Variants in MPO observed in about 807,000 individuals in gnomAD.
MPO encodes myeloperoxidase.
In MPO, 57 loss-of-function variants were observed where a neutral mutation model predicts 69.4. The observed-to-expected ratio is 0.82, with a 90% CI of 0.66 to 1.02. MPO has a LOEUF of 1.02. MPO is among the 50% of genes least tolerant of loss of function. MPO has a pLI of 0.00. For missense variants in MPO, 971 were observed against 1,014.1 expected, an observed-to-expected ratio of 0.96 and a Z score of 0.58; for synonymous variants, 426 against 417.1, an observed-to-expected ratio of 1.02 and a Z score of -0.26.
At chr17:58,273,763 T>C (rs910394039) in intron 8 of MPO, 94 bp from the exon 9 acceptor site, 25 of 1,587,624 alleles carry the variant, frequency 1.6e-5, no homozygotes, top group Non-Finnish European at 2.1e-5. Flanking sequence ...CTGCCTGCTC[T>C]TGGCTTCGGG....
chr17:58,274,216 C>T (rs766283710), intron 8 of MPO: 15 of 494,786 alleles, frequency 3.0e-5, no homozygotes, highest in Non-Finnish European at 5.3e-5. Flanking sequence ...AAAGTGAAGA[C>T]ATGGAATAGT....
Position 58,279,540 on chromosome 17 carries a change from G to T in MPO, c.531C>A (p.Thr177=), listed in dbSNP as rs766225383. The T allele has an allele frequency of 6.2e-7, 1 of 1,613,964 alleles. No individual in the cohort carries two copies. The highest frequency in any genetic ancestry group is 1.3e-5 in the African/African-American group (1 of 74,950). Residue 177 remains threonine (T), a synonymous_variant, in exon 4 of 12, where the codon ACC becomes ACA. Transcript: ENST00000225275. ...AGCCGCACCTGTTGTTGCACATCCC[G>T]GTGATGGTGCGGTATTTGTCCTGCT... ...CPEQDKYRTI[T]GMCNNRRSPT... is the part of the protein sequence containing the mutation.
In MPO at chr17:58,279,348, AAG is replaced by A. The variant is rs768929197; in HGVS notation, c.625_626del (p.Leu209SerfsTer31). The A allele has an allele frequency of 6.3e-7, 1 of 1,585,054 alleles. No homozygotes were observed. Among genetic ancestry groups the A allele is most frequent in the Non-Finnish European group, 8.6e-7 (1 of 1,165,686 alleles). On this transcript the variant is annotated frameshift_variant, in exon 5 of 12. Coordinates refer to ENST00000225275, the MANE Select transcript of MPO (RefSeq NM_000250.2). LOFTEE classifies it high-confidence loss of function. ...TGACCCCGGGCGTCCAGCCGTAGGG[AAG>A]AGAGAAGCCGTCCTCATACTCCGCC... ...LPAEYEDGFS[L>X]PYGWTPGVKR...
chr17:58,274,619 AGAC>A (rs1360249590), intron 8 of MPO, among the ~76,000 whole-genome samples: 1 of 152,014 alleles, frequency 6.6e-6, no homozygotes, highest in Non-Finnish European at 1.5e-5. Flanking sequence ...CAGGAGTTTG[AGAC>A]CACACTGGGT....
At position 58,272,913 on chromosome 17, in the gene MPO, T is replaced by C. The variant is rs1598039749; in HGVS notation, c.1627A>G (p.Ile543Val). Residue 543 changes from isoleucine (I) to valine (V), a missense_variant, in exon 10 of 12, where the codon ATT (isoleucine) becomes GTT (valine). Physicochemically the swap from Ile to Val is conservative, Grantham distance 29. Transcript: ENST00000225275. ...ATGAGGCCCCGGAGGATGGGGTCAA[T>C]GCCACCTGGGGACCAGAGGAGCCAG... ...ASWRVVLEGGIDPILRGLMAT... is the reference protein window; with the variant it reads ...ASWRVVLEGGVDPILRGLMAT... The C allele has an allele frequency of 6.2e-7, 1 of 1,613,940 alleles. No homozygotes were observed. Among genetic ancestry groups the C allele is most frequent in the Non-Finnish European group, 8.5e-7 (1 of 1,180,032 alleles).
chr17:58,279,671 G>A (rs1300373710), intron 3 of MPO, 25 bp from the exon 4 acceptor site: 2 of 1,614,024 alleles, frequency 1.2e-6, no homozygotes, highest in Non-Finnish European at 1.7e-6. Flanking sequence ...AACAATGGGG[G>A]AGCTGAGCCG....
Position 58,273,449 on chromosome 17 carries a change from C to T in MPO, c.1586G>A (p.Arg529Lys). The T allele has an allele frequency of 1.9e-6, 3 of 1,614,212 alleles. No homozygotes were observed. The highest frequency in any genetic ancestry group is 2.5e-6 in the Non-Finnish European group (3 of 1,180,040). The change falls in exon 9 of 12, where the codon AGG (arginine) becomes AAG (lysine). Residue 529 changes from arginine (R) to lysine (K), a missense_variant. Transcript: ENST00000225275. Reference protein sequence around the residue: ...MEPNPRVPLSRVFFASWRVVL... With the variant: ...MEPNPRVPLSKVFFASWRVVL... ...GACCCTCCAGGAGGCAAAAAAGACC[C>T]TGCTGAGGGGGACACGGGGGTTGGG...
Position 58,279,653 on chromosome 17 carries a change from G to A in MPO, c.425-7C>T. The A allele has an allele frequency of 6.2e-7, 1 of 1,614,114 alleles. No homozygotes were observed. The highest frequency in any genetic ancestry group is 2.2e-5 in the East Asian group (1 of 44,888). On this transcript the variant is annotated splice_polypyrimidine_tract_variant and splice_region_variant and intron_variant, in intron 3 of 11. Coordinates refer to ENST00000225275, the MANE Select transcript of MPO (RefSeq NM_000250.2). ...TGGGCGGGCGTCAGCACATCTGCCG[G>A]GGGAAAGAACAATGGGGGAGCTGAG...
Position 58,270,604 on chromosome 17 carries a change from C to T in MPO, c.*52G>A. On this transcript the variant is annotated 3_prime_UTR_variant, in exon 12 of 12. Coordinates refer to ENST00000225275, the MANE Select transcript of MPO (RefSeq NM_000250.2). The surrounding 1 kb of genome is among the most constrained non-coding windows in gnomAD (Gnocchi z 4.1). ...TAGGGCAAGGAGATCTCCGTGGTTCCAACTGGCCAGCCCAGATATACCCCT... is the reference window on the plus strand; with the variant it reads ...TAGGGCAAGGAGATCTCCGTGGTTCTAACTGGCCAGCCCAGATATACCCCT... 6.7e-7 allele frequency: 1 copy of T among 1,490,212 alleles called. No homozygotes were observed. The highest frequency in any genetic ancestry group is 9.2e-7 in the Non-Finnish European group (1 of 1,088,880). The allele number at this position is 1,490,212 out of a possible 1,614,324, so 92.3% of individuals were successfully genotyped here.
rs762564974 is a variant in MPO, at chr17:58,279,539, C to T, written c.532G>A (p.Gly178Arg). The T allele has an allele frequency of 3.1e-6, 5 of 1,613,960 alleles. No homozygotes were observed. Among genetic ancestry groups the T allele is most frequent in the Non-Finnish European group, 4.2e-6 (5 of 1,180,034 alleles). ...PEQDKYRTIT[G>R]MCNNRRSPTL... ...CAGCCGCACCTGTTGTTGCACATCC[C>T]GGTGATGGTGCGGTATTTGTCCTGC... Residue 178 changes from glycine (G) to arginine (R), a missense_variant, in exon 4 of 12, where the codon GGG (glycine) becomes AGG (arginine). Gly to Arg is a moderately radical substitution (Grantham distance 125). Coordinates refer to ENST00000225275, the MANE Select transcript of MPO (RefSeq NM_000250.2).
chr17:58,278,899 G>A lies in MPO; in HGVS notation c.885+109C>T. 3 of 1,294,526 alleles carry A rather than the reference G, an allele frequency of 2.3e-6. No homozygotes were observed. The South Asian group carries it at 3.8e-5, about 17-fold the overall frequency. 80.2% of individuals were successfully genotyped at this position (1,294,526 alleles called of 1,614,324 possible). On this transcript the variant is annotated intron_variant, in intron 6 of 11. Transcript: ENST00000225275. ...TGTGGACACAAGGGAGGCAGGGCCA[G>A]CCTTCCTCAGCGTCTGGGAAAGGAA...
Position 58,270,451 on chromosome 17 carries a change from A to C in MPO, c.*205T>G. 1 of 607,760 alleles carries C rather than the reference A, an allele frequency of 1.6e-6. No homozygotes were observed. The highest frequency in any genetic ancestry group is 3.0e-6 in the Non-Finnish European group (1 of 332,954). 37.6% of individuals were successfully genotyped at this position (607,760 alleles called of 1,614,324 possible). A position where few individuals can be genotyped will look rare whatever the true frequency, so the allele number is the denominator to read the frequency against. ...GGCACATACACATAACCCATGAAAC[A>C]CTCCCCATGTTCAGACAACACACAC... On this transcript the variant is annotated 3_prime_UTR_variant, in exon 12 of 12. Transcript: ENST00000225275. The surrounding 1 kb of genome is among the most constrained non-coding windows in gnomAD (Gnocchi z 4.1).
Position 58,280,003 on chromosome 17 carries a change from C to T in MPO, c.260G>A (p.Arg87Gln), listed in dbSNP as rs141631800. Residue 87 changes from arginine (R) to glutamine (Q), a missense_variant, in exon 3 of 12, where the codon CGG becomes CAG. Physicochemically the swap from Arg to Gln is conservative, Grantham distance 43 (BLOSUM62 1). Coordinates refer to ENST00000225275, the MANE Select transcript of MPO (RefSeq NM_000250.2). ...YKERRESIKQRLRSGSASPME... is the reference protein window; with the variant it reads ...YKERRESIKQQLRSGSASPME... ...GGGGCTGGCTGAGCCGCTGCGAAGC[C>T]GCTGCTTGATGCTGCTTGGAGAAAG... The T allele has an allele frequency of 8.4e-5, 135 of 1,613,158 alleles. No homozygotes were observed. In the East Asian group the frequency reaches 1.2e-3, roughly 14 times the overall value.
rs999544961 is a variant in MPO at position 58,275,084 on chromosome 17, T to C, written c.1365+458A>G. ...TTCACCGTGTTAGCCAGCATGGTCT[T>C]GATCTCCTGACCTCGTGATCCACCC... is the stretch of plus-strand genomic sequence containing the variant. On this transcript the variant is annotated intron_variant, in intron 8 of 11. Transcript: ENST00000225275. This position sits in a 1 kb window ranked among gnomAD's most constrained non-coding sequence, Gnocchi z 4.1. 6.6e-6 allele frequency among the ~76,000 whole-genome samples: 1 copy of C among 152,018 alleles called. No individual in the cohort carries two copies. The highest frequency in any genetic ancestry group is 2.4e-5 in the African/African-American group (1 of 41,410).
chr17:58,272,446 G>A lies in MPO; in HGVS notation c.1792+302C>T, dbSNP rs568979513. 1.2e-4 allele frequency among the ~76,000 whole-genome samples: 19 copies of A among 152,274 alleles called. 1 individual carries two copies. The South Asian group carries it at 1.9e-3, about 15-fold the overall frequency. On this transcript the variant is annotated intron_variant, in intron 10 of 11. Coordinates refer to ENST00000225275, the MANE Select transcript of MPO (RefSeq NM_000250.2). Reference sequence around the variant, plus strand: ...AATAATCTCTTCCCCCAGAGTTAACGTACAATGAAGCAAAATGGAATGATG... The same window carrying A: ...AATAATCTCTTCCCCCAGAGTTAACATACAATGAAGCAAAATGGAATGATG...
intron 8 of MPO, chr17:58,274,264 G>A (rs550696095): frequency 4.3e-6 from 2 of 464,354 alleles, no homozygotes; most frequent in Admixed American, 4.6e-5. Context: ...TTATTTTGGA[G>A]TGTAAATGAA....
In MPO at chr17:58,280,639, C is replaced by G; in HGVS notation, c.120G>C (p.Leu40=). ...CACCTTCAGAGGGCTGGGGCGTGGC[C>G]AGAATGGCCAGGAGCCCTGCTAGGG... ...LLALAGLLAI[L]ATPQPSEGAA... The change falls in exon 1 of 12, where the codon CTG becomes CTC. Residue 40 remains leucine (L), a synonymous_variant. Transcript: ENST00000225275. 1.2e-6 allele frequency: 2 copies of G among 1,614,216 alleles called. No individual in the cohort carries two copies. The highest frequency in any genetic ancestry group is 4.5e-5 in the East Asian group (2 of 44,890).
rs975317234 is a variant in MPO, at chr17:58,275,451, A to G, written c.1365+91T>C. 93 of 1,525,286 alleles carry G rather than the reference A, an allele frequency of 6.1e-5. No individual in the cohort carries two copies. The highest frequency in any genetic ancestry group is 2.7e-5 in the African/African-American group (2 of 73,222). 94.5% of individuals were successfully genotyped at this position (1,525,286 alleles called of 1,614,324 possible). On this transcript the variant is annotated intron_variant, in intron 8 of 11. Coordinates refer to ENST00000225275, the MANE Select transcript of MPO (RefSeq NM_000250.2). This position sits in a 1 kb window ranked among gnomAD's most constrained non-coding sequence, Gnocchi z 4.1. ...CTCATGGATGAAGAAGGCAAGGCTC[A>G]GGAGCGTTAGGAACTTGCCCAAGGT...
chr17:58,278,269 C>CTCTCTGCAGGTTGAGGGTA, intron 6 of MPO, 124 bp from the exon 7 acceptor site: 1 of 1,118,206 alleles, frequency 8.9e-7, no homozygotes, highest in Non-Finnish European at 1.3e-6. Context: ...CTCCGGAGGC[C>CTCTCTGCAGGTTGAGGGTA]CGAAAGGGAT....
Sources: allele counts gnomAD v4.1 joint callset (sites outside exome capture counted in the v4.1 genomes callset), GRCh38; gene constraint gnomAD v4.1.1; non-coding constraint Gnocchi (gnomAD v3.1); transcripts MANE v1.5; gene names NCBI Gene and HGNC (gene_info 2026-07-23, HGNC 2026-07-21).